Variants in UNC13C observed in about 807,000 individuals in gnomAD.
UNC13C encodes protein unc-13 homolog C.
UNC13C carries 174 observed loss-of-function variants against 245.4 expected under a neutral mutation model. The ratio of observed to expected loss-of-function variants is 0.71; its 90% CI spans 0.63 to 0.80. The LOEUF (loss-of-function observed/expected upper bound fraction) is 0.80. UNC13C is among the 30% of genes least tolerant of loss of function. The pLI is 0.00. For missense variants in UNC13C, 2,829 were observed against 2,602.9 expected, an observed-to-expected ratio of 1.09 and a Z score of -1.89; for synonymous variants, 992 against 895.1, an observed-to-expected ratio of 1.11 and a Z score of -1.93.
intron 4 of UNC13C, among the ~76,000 whole-genome samples, chr15:54,203,254 T>G (rs1287004187): frequency 6.6e-6 from 1 of 151,822 alleles, no homozygotes; most frequent in Non-Finnish European, 1.5e-5. Flanking sequence ...ACAACCACTA[T>G]GGAAAACAGT....
the UNC13C span, among the ~76,000 whole-genome samples, chr15:53,899,799 G>A: frequency 6.6e-6 from 1 of 152,116 alleles, no homozygotes; most frequent in African/African-American, 2.4e-5. Context: ...CCGACCTCAG[G>A]TGATCTGCCT....
At chr15:54,134,867 A>G (rs2031650043) in intron 2 of UNC13C, among the ~76,000 whole-genome samples, 1 of 152,126 alleles carries the variant, frequency 6.6e-6, no homozygotes, top group Non-Finnish European at 1.5e-5. Context: ...TAGTAGTTCT[A>G]GTTTTATGTT....
chr15:54,285,837 T>A (rs1207855710), intron 10 of UNC13C, among the ~76,000 whole-genome samples: 1 of 151,738 alleles, frequency 6.6e-6, no homozygotes, highest in African/African-American at 2.4e-5. Context: ...TTTATATACG[T>A]ATATATTTAT....
intron 17 of UNC13C, among the ~76,000 whole-genome samples, chr15:54,391,013 G>A (rs984273361): frequency 5.9e-5 from 9 of 152,124 alleles, no homozygotes; most frequent in East Asian, 1.9e-4. Flanking sequence ...TAATCTTCTG[G>A]TGTCATAAAA....
At chr15:53,997,270 T>C (rs921443041) in intron 1 of UNC13C, among the ~76,000 whole-genome samples, 2 of 152,166 alleles carry the variant, frequency 1.3e-5, no homozygotes, top group Non-Finnish European at 2.9e-5. Context: ...TGTATTTTTA[T>C]TGTTAATTTT....
the UNC13C span, among the ~76,000 whole-genome samples, chr15:53,907,721 A>ATTAGCACGGGCTGTACCC: frequency 6.7e-6 from 1 of 149,156 alleles, no homozygotes; most frequent in Non-Finnish European, 1.5e-5. Flanking sequence ...ATTATTATCT[A>ATTAGCACGGGCTGTACCC]AAGAATTATT....
the UNC13C span, among the ~76,000 whole-genome samples, chr15:53,860,637 C>T: frequency 6.6e-6 from 1 of 152,186 alleles, no homozygotes; most frequent in African/African-American, 2.4e-5. Flanking sequence ...GTCTTTGCCT[C>T]TCCAAGTTAA....
intron 4 of UNC13C, among the ~76,000 whole-genome samples, chr15:54,178,338 A>G (rs1349257032): frequency 6.6e-6 from 1 of 152,158 alleles, no homozygotes; most frequent in Non-Finnish European, 1.5e-5. Flanking sequence ...AGCCTTAATG[A>G]GTTTCCACGG....
chr15:54,444,876 T>A (rs1300189086), intron 19 of UNC13C, among the ~76,000 whole-genome samples: 1 of 152,006 alleles, frequency 6.6e-6, no homozygotes, highest in Non-Finnish European at 1.5e-5. Flanking sequence ...GCAGGTTTGT[T>A]ACATATGTAT....
At chr15:54,458,158 G>A (rs1891637472) in intron 19 of UNC13C, among the ~76,000 whole-genome samples, 1 of 151,596 alleles carries the variant, frequency 6.6e-6, no homozygotes, top group South Asian at 2.1e-4. Flanking sequence ...ATATCATTCG[G>A]GGCAGATTAT....
intron 8 of UNC13C, among the ~76,000 whole-genome samples, chr15:54,254,105 C>T (rs1019447436): frequency 7.2e-5 from 11 of 152,168 alleles, no homozygotes; most frequent in East Asian, 1.9e-4. Flanking sequence ...TTAATAAATT[C>T]GTAGCATTAA....
chr15:53,899,592 T>A, the UNC13C span, among the ~76,000 whole-genome samples: 6 of 129,680 alleles, frequency 4.6e-5, no homozygotes, highest in Non-Finnish European at 1.0e-4. Context: ...GTCTCTCTAC[T>A]TTTTTTTTAG....
At chr15:54,003,150 G>T (rs1233318523) in intron 1 of UNC13C, among the ~76,000 whole-genome samples, 1 of 152,172 alleles carries the variant, frequency 6.6e-6, no homozygotes, top group African/African-American at 2.4e-5. Context: ...AGCTAAAGGA[G>T]CTCTGCTTTT....
chr15:54,554,433 T>C (rs1897011593), intron 28 of UNC13C, among the ~76,000 whole-genome samples: 1 of 152,056 alleles, frequency 6.6e-6, no homozygotes, highest in Admixed American at 6.6e-5. Context: ...CTTGAAGCTG[T>C]CCTCTTATAA....
At chr15:54,365,402 T>C (rs2039341658) in intron 17 of UNC13C, among the ~76,000 whole-genome samples, 1 of 152,156 alleles carries the variant, frequency 6.6e-6, no homozygotes, top group African/African-American at 2.4e-5. Flanking sequence ...TGTTGAGGTA[T>C]GATTGATATA....
intron 19 of UNC13C, among the ~76,000 whole-genome samples, chr15:54,418,935 C>G (rs1567255580): frequency 6.6e-6 from 1 of 152,132 alleles, no homozygotes; most frequent in Non-Finnish European, 1.5e-5. Context: ...GTTTCCTCCA[C>G]TGGCAGTTCC....
intron 1 of UNC13C, among the ~76,000 whole-genome samples, chr15:53,993,872 AAC>A (rs1172111685): frequency 1.3e-5 from 2 of 152,078 alleles, no homozygotes; most frequent in African/African-American, 4.8e-5. Context: ...GGAATGGACA[AAC>A]ACAGGTATAA....
chr15:54,209,036 A>G (rs1437278140), intron 4 of UNC13C, among the ~76,000 whole-genome samples: 1 of 152,108 alleles, frequency 6.6e-6, no homozygotes, highest in Non-Finnish European at 1.5e-5. Context: ...CCTAGACTTT[A>G]TCATGGCTCA....
chr15:54,107,458 G>A (rs534061021), intron 2 of UNC13C, among the ~76,000 whole-genome samples: 14 of 152,216 alleles, frequency 9.2e-5, no homozygotes, highest in African/African-American at 3.1e-4. Context: ...GGAGGTGCCC[G>A]GCATTGAGTT....
Sources: gnomAD v4.1 joint callset for allele counts (sites outside exome capture counted in the v4.1 genomes callset) on GRCh38, gnomAD v4.1.1 for gene constraint, MANE v1.5 for transcripts, NCBI Gene and HGNC (gene_info 2026-07-23, HGNC 2026-07-21) for gene names.